Variants in SIGLEC7 observed in about 807,000 individuals in gnomAD.
SIGLEC7 encodes sialic acid binding Ig like lectin 7.
SIGLEC7 carries 33 observed loss-of-function variants against 40.8 expected under a neutral mutation model. The observed-to-expected ratio is 0.81, with a 90% confidence interval of 0.61 to 1.08. The LOEUF (loss-of-function observed/expected upper bound fraction) is 1.08. Ranked by LOEUF, SIGLEC7 falls within the 50% of genes least tolerant of loss-of-function variation. The pLI is 0.00. For missense variants in SIGLEC7, 513 were observed against 576.1 expected, an observed-to-expected ratio of 0.89 and a Z score of 1.12; for synonymous variants, 242 against 237.6, an observed-to-expected ratio of 1.02 and a Z score of -0.17.
intron 5 of SIGLEC7, 30 bp downstream of exon 5, chr19:51,146,880 A>G: frequency 6.3e-7 from 1 of 1,593,208 alleles, no homozygotes; most frequent in South Asian, 1.1e-5. Flanking sequence ...AGGGAGGGAG[A>G]GTCCTGGGGG....
rs536425072 is a variant in SIGLEC7 at position 51,153,184 on chromosome 19, A to G, written c.1343A>G (p.Gln448Arg). 6.2e-7 allele frequency: 1 copy of G among 1,607,226 alleles called. No individual in the cohort carries two copies. Among genetic ancestry groups the G allele is most frequent in the Non-Finnish European group, 8.5e-7 (1 of 1,176,888 alleles). ...CTCAGCTTTCATAAGGGGGAGCCTC[A>G]GGACCTATCAGGACAAGAAGCCACC... is the stretch of plus-strand genomic sequence containing the variant. ...APLSFHKGEPQDLSGQEATNN... is the reference protein window; with the variant it reads ...APLSFHKGEPRDLSGQEATNN... Residue 448 changes from glutamine (Q) to arginine (R), a missense_variant, in exon 7 of 7, where the codon CAG becomes CGG. Physicochemically the swap from Gln to Arg is conservative, Grantham distance 43 (BLOSUM62 1). Transcript: ENST00000317643.
At chr19:51,146,661 G>T in intron 4 of SIGLEC7, 93 bp from the exon 5 acceptor site, 1 of 1,075,438 alleles carries the variant, frequency 9.3e-7, no homozygotes, top group East Asian at 2.4e-5. Flanking sequence ...AGGGGGATTA[G>T]GGTACCCAAG....
Position 51,145,033 on chromosome 19 carries a change from TC to T in SIGLEC7, c.760+76del. ...CAGGGCAGGGCCAGGTCCCTCCTCA[TC>T]CTGGACTCACCCTGGTGATATGAGA... is the stretch of plus-strand genomic sequence containing the variant. On this transcript the variant is annotated intron_variant, in intron 3 of 6. Transcript: ENST00000317643. This position sits in a 1 kb window ranked among gnomAD's most constrained non-coding sequence, Gnocchi z 4.3. The T allele has an allele frequency of 7.1e-7, 1 of 1,415,284 alleles. No homozygotes were observed. The highest frequency in any genetic ancestry group is 1.2e-5 in the South Asian group (1 of 86,914). 87.7% of individuals were successfully genotyped at this position (1,415,284 alleles called of 1,614,324 possible). A position where few individuals can be genotyped will look rare whatever the true frequency, so the allele number is the denominator to read the frequency against.
chr19:51,147,742 C>T (rs1208849271), intron 6 of SIGLEC7, among the ~76,000 whole-genome samples: 1 of 152,170 alleles, frequency 6.6e-6, no homozygotes, highest in African/African-American at 2.4e-5. Flanking sequence ...CAGAAGCCAT[C>T]ACTGATCAGT....
chr19:51,142,891 G>A lies in SIGLEC7; in HGVS notation c.433+89G>A. On this transcript the variant is annotated intron_variant, in intron 1 of 6. Coordinates refer to ENST00000317643, the MANE Select transcript of SIGLEC7 (RefSeq NM_014385.4). The surrounding 1 kb of genome is among the most constrained non-coding windows in gnomAD (Gnocchi z 5.0). ...GACGGGACACATGTCCTGGGAGGGG[G>A]CCGGGGGTGATGGACTCAGGAGAGG... 24 of 1,384,874 alleles carry A rather than the reference G, an allele frequency of 1.7e-5. No individual in the cohort carries two copies. Among genetic ancestry groups the A allele is most frequent in the East Asian group, 2.3e-5 (1 of 43,520 alleles). 85.8% of individuals were successfully genotyped at this position (1,384,874 alleles called of 1,614,324 possible).
intron 6 of SIGLEC7, among the ~76,000 whole-genome samples, chr19:51,147,929 G>T (rs1414630722): frequency 6.6e-6 from 1 of 152,222 alleles, no homozygotes; most frequent in African/African-American, 2.4e-5. Context: ...ATGTGTAAAT[G>T]ATTAGCTGGC....
chr19:51,144,878 C>G, intron 2 of SIGLEC7, 34 bp from the exon 3 acceptor site: 1 of 1,611,674 alleles, frequency 6.2e-7, no homozygotes. Flanking sequence ...CCAGCCCTCA[C>G]AGTGATGCAG....
chr19:51,147,345 A>G (rs1317134145), intron 6 of SIGLEC7, 28 bp downstream of exon 6: 1 of 1,586,366 alleles, frequency 6.3e-7, no homozygotes, highest in South Asian at 1.1e-5. Flanking sequence ...CTCCACACCC[A>G]GCATCCAGCT....
chr19:51,144,094 G>A (rs1182668536), intron 1 of SIGLEC7: 6 of 656,134 alleles, frequency 9.1e-6, no homozygotes, highest in Non-Finnish European at 1.8e-5. Context: ...ACTGCTCCCT[G>A]AGCATCAGAG....
In SIGLEC7 at chr19:51,145,020, A is replaced by AGG. The variant is rs1479119626; in HGVS notation, c.760+62_760+63dup. ...AGGGCCTTCAGCTCAGGGCAGGGCC[A>AGG]GGTCCCTCCTCATCCTGGACTCACC... On this transcript the variant is annotated intron_variant, in intron 3 of 6. Transcript: ENST00000317643. This position sits in a 1 kb window ranked among gnomAD's most constrained non-coding sequence, Gnocchi z 4.3. 73 of 1,511,530 alleles carry AGG rather than the reference A, an allele frequency of 4.8e-5. No homozygotes were observed. The African/African-American group carries it at 9.5e-4, about 20-fold the overall frequency. The allele number at this position is 1,511,530 out of a possible 1,614,324, so 93.6% of individuals were successfully genotyped here.
In SIGLEC7 at chr19:51,142,396, G is replaced by A; in HGVS notation, c.27G>A (p.Leu9=). MLLLLLLP[L]LWGRERVEGQ... ...TGCTGCTGCTGCTGCTGCTGCCCCT[G>A]CTCTGGGGGAGGGAGAGGGTGGAAG... Residue 9 remains leucine (L), a synonymous_variant, in exon 1 of 7, where the codon CTG becomes CTA. Transcript: ENST00000317643. The surrounding 1 kb of genome is among the most constrained non-coding windows in gnomAD (Gnocchi z 5.0). 6.2e-7 allele frequency: 1 copy of A among 1,613,986 alleles called. No homozygotes were observed. Among genetic ancestry groups the A allele is most frequent in the Non-Finnish European group, 8.5e-7 (1 of 1,179,928 alleles).
chr19:51,151,303 A>C (rs2092141783), intron 6 of SIGLEC7, among the ~76,000 whole-genome samples: 1 of 152,250 alleles, frequency 6.6e-6, no homozygotes, highest in East Asian at 1.9e-4. Context: ...TGGAGGTGCC[A>C]ATCATTGAGG....
intron 6 of SIGLEC7, among the ~76,000 whole-genome samples, chr19:51,151,309 T>C (rs1362519163): frequency 6.6e-6 from 1 of 152,196 alleles, no homozygotes; most frequent in African/African-American, 2.4e-5. Context: ...TGCCAATCAT[T>C]GAGGCTGAGA....
chr19:51,142,996 CCCTGACCCACAGG>C lies in SIGLEC7; in HGVS notation c.433+201_433+213del. Among the ~76,000 whole-genome samples, 1 of 152,182 alleles carries C rather than the reference CCCTGACCCACAGG, an allele frequency of 6.6e-6. No homozygotes were observed. The highest frequency in any genetic ancestry group is 2.1e-4 in the South Asian group (1 of 4,826). On this transcript the variant is annotated intron_variant, in intron 1 of 6. Coordinates refer to ENST00000317643, the MANE Select transcript of SIGLEC7 (RefSeq NM_014385.4). The surrounding 1 kb of genome is among the most constrained non-coding windows in gnomAD (Gnocchi z 5.0). ...TCCTGCAGGCCCCTCCCCTCACCAGCCCTGACCCACAGGCCTGACATCCTCATCCTGCCTCTGA... is the reference window on the plus strand; with the variant it reads ...TCCTGCAGGCCCCTCCCCTCACCAGCCCTGACATCCTCATCCTGCCTCTGA...
rs1419984431 is a variant in SIGLEC7 at position 51,146,840 on chromosome 19, A to T, written c.1114A>T (p.Ile372Phe). 6.2e-7 allele frequency: 1 copy of T among 1,613,958 alleles called. No individual in the cohort carries two copies. Among genetic ancestry groups the T allele is most frequent in the Non-Finnish European group, 8.5e-7 (1 of 1,179,920 alleles). Residue 372 changes from isoleucine to phenylalanine, a missense_variant, in exon 5 of 7, where the codon ATC becomes TTC. By Grantham distance (21) the Ile-to-Phe change is conservative. Coordinates refer to ENST00000317643, the MANE Select transcript of SIGLEC7 (RefSeq NM_014385.4). ...TALVFLSFCV[I>F]FIVVRSCRKK... Reference sequence around the variant, plus strand: ...CCTGGTCTTCCTCTCCTTCTGTGTCATCTTCATTGTGTGAGCACTGACCCT... The same window carrying T: ...CCTGGTCTTCCTCTCCTTCTGTGTCTTCTTCATTGTGTGAGCACTGACCCT...
chr19:51,142,790 G>C lies in SIGLEC7; in HGVS notation c.421G>C (p.Val141Leu). ...GAATTATAAATATGACCAGCTCTCT[G>C]TGAACGTGACAGGTAAGGCACGGGC... Reference protein sequence around the residue: ...KWNYKYDQLSVNVTALTHRPN... With the variant: ...KWNYKYDQLSLNVTALTHRPN... Residue 141 changes from valine (V) to leucine (L), a missense_variant, in exon 1 of 7, where the codon GTG becomes CTG. By Grantham distance (32) the Val-to-Leu change is conservative. Coordinates refer to ENST00000317643, the MANE Select transcript of SIGLEC7 (RefSeq NM_014385.4). The surrounding 1 kb of genome is among the most constrained non-coding windows in gnomAD (Gnocchi z 5.0). 6.3e-7 allele frequency: 1 copy of C among 1,592,786 alleles called. No homozygotes were observed. Among genetic ancestry groups the C allele is most frequent in the African/African-American group, 1.3e-5 (1 of 74,714 alleles).
chr19:51,148,752 G>T (rs529038871), intron 6 of SIGLEC7, among the ~76,000 whole-genome samples: 168 of 152,242 alleles, frequency 1.1e-3, no homozygotes, highest in African/African-American at 4.0e-3. Context: ...TAGCTCTTCA[G>T]GAAATTACCA....
chr19:51,150,645 T>C (rs139103119), intron 6 of SIGLEC7, among the ~76,000 whole-genome samples: 3,782 of 152,274 alleles, frequency 0.025, 165 homozygotes, highest in African/African-American at 0.087. Context: ...ACTGGCCTCA[T>C]AGAATGAGTT....
At chr19:51,146,973 C>T (rs1223086973) in intron 5 of SIGLEC7, 123 bp downstream of exon 5, 16 of 1,083,728 alleles carry the variant, frequency 1.5e-5, no homozygotes, top group African/African-American at 3.2e-5. Context: ...AATGAGCTCA[C>T]GGGTGCGTGG....
Sources: gnomAD v4.1 joint callset for allele counts (sites outside exome capture counted in the v4.1 genomes callset) on GRCh38, gnomAD v4.1.1 for gene constraint, Gnocchi (gnomAD v3.1) non-coding constraint, MANE v1.5 for transcripts, NCBI Gene and HGNC (gene_info 2026-07-23, HGNC 2026-07-21) for gene names.